The following CAPZA1 variants were observed in gnomAD, a reference collection of about 807,000 sequenced individuals.
CAPZA1 encodes the protein F-actin-capping protein subunit alpha-1.
A neutral mutation model predicts 40.8 loss-of-function variants in CAPZA1; 10 were observed. The observed-to-expected ratio is 0.25, with a 90% CI of 0.15 to 0.42. The LOEUF (loss-of-function observed/expected upper bound fraction) is 0.42, where lower values mean the gene tolerates loss of function less well. CAPZA1 is among the 10% of genes least tolerant of loss of function. The probability of loss-of-function intolerance (pLI) is 1.00; values close to 1 mark genes in which losing one functional copy is unlikely to be tolerated. For missense variants in CAPZA1, 277 were observed against 353.8 expected (o/e 0.78, Z 1.74); for synonymous variants, 98 against 115.0 (o/e 0.85, Z 0.95).
chr1:112,650,172 G>A (rs1671355816), intron 3 of CAPZA1, among the ~76,000 whole-genome samples: 1 of 152,130 alleles, frequency 6.6e-6, no homozygotes, highest in Non-Finnish European at 1.5e-5. Flanking sequence ...AGTGGGTAGG[G>A]ATGGGGAGAC....
At chr1:112,664,993 A>T (rs531620345) in intron 7 of CAPZA1, among the ~76,000 whole-genome samples, 1 of 152,314 alleles carries the variant, frequency 6.6e-6, no homozygotes, top group South Asian at 2.1e-4. Context: ...CACAGTGTCT[A>T]ACACATAGTA....
At chr1:112,642,006 A>C (rs1173331861) in intron 1 of CAPZA1, among the ~76,000 whole-genome samples, 1 of 152,130 alleles carries the variant, frequency 6.6e-6, no homozygotes, top group Non-Finnish European at 1.5e-5. Flanking sequence ...ATTTTCCAAA[A>C]TAGAACAGGA....
intron 1 of CAPZA1, among the ~76,000 whole-genome samples, chr1:112,639,962 T>G (rs1273695804): frequency 2.6e-5 from 2 of 77,690 alleles, no homozygotes; most frequent in Non-Finnish European, 2.6e-5. Context: ...GGGAGGGAGG[T>G]GGGGGGGTCA....
intron 3 of CAPZA1, among the ~76,000 whole-genome samples, chr1:112,652,145 C>T (rs756205577): frequency 6.0e-5 from 9 of 149,788 alleles, no homozygotes; most frequent in Non-Finnish European, 1.0e-4. Flanking sequence ...AAAATAAATA[C>T]ACAAAGTATA....
At chr1:112,661,975 A>G (rs543008516) in intron 7 of CAPZA1, among the ~76,000 whole-genome samples, 39 of 152,380 alleles carry the variant, frequency 2.6e-4, no homozygotes, top group African/African-American at 8.4e-4. Flanking sequence ...AGGCAAAAAC[A>G]TCGTTCTGAG....
chr1:112,626,607 A>C (rs1670813565), intron 1 of CAPZA1, among the ~76,000 whole-genome samples: 1 of 151,912 alleles, frequency 6.6e-6, no homozygotes, highest in South Asian at 2.1e-4. Context: ...AATATCTCTA[A>C]CCTGTCCACA....
At chr1:112,654,972 C>CT (rs1671469010) in intron 5 of CAPZA1, among the ~76,000 whole-genome samples, 2 of 151,274 alleles carry the variant, frequency 1.3e-5, no homozygotes, top group Non-Finnish European at 1.5e-5. Context: ...TTTTTTCTTT[C>CT]TTTTTTTTAA....
At position 112,669,875 on chromosome 1, in the gene CAPZA1, T is replaced by C. The variant is rs577970194; in HGVS notation, c.721-117T>C. The C allele has an allele frequency of 8.2e-6, 9 of 1,101,292 alleles. No homozygotes were observed. In the East Asian group the frequency reaches 1.9e-4, roughly 23 times the overall value. 68.2% of individuals were successfully genotyped at this position (1,101,292 alleles called of 1,614,324 possible). ...GGAGAGGAGCTCATTGAAAATAATA[T>C]ATCCTGTCTATCCTTCACAGGGGAC... On this transcript the variant is annotated intron_variant, in intron 9 of 9. Coordinates refer to ENST00000263168, the MANE Select transcript of CAPZA1 (RefSeq NM_006135.3).
At chr1:112,632,528 C>A (rs1367756897) in intron 1 of CAPZA1, among the ~76,000 whole-genome samples, 1 of 151,682 alleles carries the variant, frequency 6.6e-6, no homozygotes, top group African/African-American at 2.4e-5. Flanking sequence ...CAGATTCTTG[C>A]TAAAACTGGG....
chr1:112,659,678 A>G lies in CAPZA1; in HGVS notation c.507-23A>G, dbSNP rs192756034. 17 of 1,597,214 alleles carry G rather than the reference A, an allele frequency of 1.1e-5. No individual in the cohort carries two copies. In the Admixed American group the frequency reaches 1.5e-4, roughly 14 times the overall value. On this transcript the variant is annotated intron_variant, in intron 6 of 9. Coordinates refer to ENST00000263168, the MANE Select transcript of CAPZA1 (RefSeq NM_006135.3). ...TCTTGTGCTTATTGCTAATTCTGCA[A>G]TGTTGTGTGTGTGTTTTAATAGGAA...
At chr1:112,630,687 G>C (rs552483013) in intron 1 of CAPZA1, among the ~76,000 whole-genome samples, 1 of 151,890 alleles carries the variant, frequency 6.6e-6, no homozygotes, top group Non-Finnish European at 1.5e-5. Context: ...GTCCCATGCT[G>C]GTCTGAAACT....
intron 1 of CAPZA1, among the ~76,000 whole-genome samples, chr1:112,640,101 C>T (rs1671115539): frequency 1.6e-5 from 2 of 122,180 alleles, no homozygotes; most frequent in Non-Finnish European, 3.5e-5. Context: ...AGTGAGGAGC[C>T]CCTCTGCCCA....
At chr1:112,661,357 A>G (rs1399338140) in intron 7 of CAPZA1, among the ~76,000 whole-genome samples, 1 of 152,154 alleles carries the variant, frequency 6.6e-6, no homozygotes, top group Non-Finnish European at 1.5e-5. Flanking sequence ...ACAACTTTCA[A>G]GCACATTCTG....
chr1:112,654,358 CTAAA>C (rs1354375128), intron 4 of CAPZA1, 103 bp from the exon 5 acceptor site: 5 of 664,224 alleles, frequency 7.5e-6, no homozygotes, highest in Non-Finnish European at 1.3e-5. Flanking sequence ...AGAAATCTGA[CTAAA>C]TGAAAAGTTA....
intron 2 of CAPZA1, among the ~76,000 whole-genome samples, chr1:112,648,847 C>G (rs1395208269): frequency 6.6e-6 from 1 of 151,994 alleles, no homozygotes; most frequent in African/African-American, 2.4e-5. Flanking sequence ...CGTGTAATCC[C>G]AGCTGCTCGG....
At chr1:112,634,881 C>T (rs1346956645) in intron 1 of CAPZA1, 1 of 152,122 alleles carries the variant, frequency 6.6e-6, no homozygotes, top group African/African-American at 2.4e-5. Context: ...TGGGTCTGTC[C>T]AATCCAGAGC....
intron 1 of CAPZA1, 54 bp from the exon 2 acceptor site, chr1:112,647,156 T>C: frequency 2.4e-6 from 2 of 827,784 alleles, no homozygotes; most frequent in South Asian, 2.2e-5. Context: ...TTATTTCTCC[T>C]TTTATATGTT....
rs1427845195 is a variant in CAPZA1, at chr1:112,656,319, AGTT to A, written c.426+1654_426+1656del. 2.6e-5 allele frequency among the ~76,000 whole-genome samples: 4 copies of A among 152,078 alleles called. 1 individual carries two copies. In the South Asian group the frequency reaches 6.2e-4, roughly 24 times the overall value. Reference sequence around the variant, plus strand: ...GGAAATAATTGTTTTTATCTCATAGAGTTGTTGTGAAGATTTAATGAATTAGTA... The same window carrying A: ...GGAAATAATTGTTTTTATCTCATAGAGTTGTGAAGATTTAATGAATTAGTA... On this transcript the variant is annotated intron_variant, in intron 5 of 9. Coordinates refer to ENST00000263168, the MANE Select transcript of CAPZA1 (RefSeq NM_006135.3).
At chr1:112,639,654 A>G (rs1349236652) in intron 1 of CAPZA1, among the ~76,000 whole-genome samples, 1 of 152,040 alleles carries the variant, frequency 6.6e-6, no homozygotes, top group Non-Finnish European at 1.5e-5. Flanking sequence ...TTCAGTTTTC[A>G]TGTCACTCAG....
Sources: gnomAD v4.1 joint callset for allele counts (sites outside exome capture counted in the v4.1 genomes callset) on GRCh38, gnomAD v4.1.1 for gene constraint, MANE v1.5 for transcripts, NCBI Gene and HGNC (gene_info 2026-07-23, HGNC 2026-07-21) for gene names.